The following CDH13 variants were observed in gnomAD, a reference collection of about 807,000 sequenced individuals.
The protein encoded by CDH13 is cadherin-13.
A neutral mutation model predicts 63.8 loss-of-function variants in CDH13; 24 were observed. That is an observed-to-expected ratio of 0.38 (90% confidence interval 0.27 to 0.53). The LOEUF is 0.53. CDH13 is among the 20% of genes least tolerant of loss of function. CDH13 has a pLI of 0.85. For missense variants in CDH13, 1,049 were observed against 903.1 expected (o/e 1.16, Z -2.07); for synonymous variants, 503 against 355.3 (o/e 1.42, Z -4.67).
chr16:82,953,780 C>G (rs960310855), intron 2 of CDH13: 1 of 152,126 alleles, frequency 6.6e-6, no homozygotes, highest in African/African-American at 2.4e-5. Context: ...AAAGCCAAGA[C>G]AGGCTTCCAG....
At chr16:83,493,613 A>G (rs1237711569) in intron 7 of CDH13, among the ~76,000 whole-genome samples, 1 of 152,190 alleles carries the variant, frequency 6.6e-6, no homozygotes, top group Non-Finnish European at 1.5e-5. Flanking sequence ...TTCACATGCT[A>G]CTTAAAGACT....
chr16:82,836,169 C>A (rs1348001125), intron 1 of CDH13, among the ~76,000 whole-genome samples: 1 of 152,060 alleles, frequency 6.6e-6, no homozygotes, highest in African/African-American at 2.4e-5. Flanking sequence ...TCTTGTTGCC[C>A]AGACTGGAGT....
intron 1 of CDH13, among the ~76,000 whole-genome samples, chr16:82,781,113 GTTCACTTGAGGTA>G (rs2035733025): frequency 6.6e-6 from 1 of 152,150 alleles, no homozygotes; most frequent in Non-Finnish European, 1.5e-5. Flanking sequence ...TTGCCTCTAG[GTTCACTTGAGGTA>G]TCATTTCTGA....
chr16:83,713,673 C>T (rs1908432106), intron 10 of CDH13, among the ~76,000 whole-genome samples: 1 of 152,126 alleles, frequency 6.6e-6, no homozygotes, highest in Admixed American at 6.5e-5. Flanking sequence ...ATTGATGTAT[C>T]TCACATAACT....
intron 11 of CDH13, among the ~76,000 whole-genome samples, chr16:83,765,526 A>G (rs764143959): frequency 6.9e-6 from 1 of 145,266 alleles, no homozygotes; most frequent in Non-Finnish European, 1.5e-5. Context: ...TTGGCTTACT[A>G]TTAACATTTT....
At chr16:82,642,927 A>G (rs936263814) in intron 1 of CDH13, among the ~76,000 whole-genome samples, 4 of 152,212 alleles carry the variant, frequency 2.6e-5, no homozygotes, top group Non-Finnish European at 5.9e-5. Context: ...GCTGAGATTC[A>G]AACTCAAGAC....
At chr16:83,502,241 G>T (rs376138625) in intron 7 of CDH13, among the ~76,000 whole-genome samples, 7 of 152,160 alleles carry the variant, frequency 4.6e-5, no homozygotes, top group Admixed American at 4.6e-4. Flanking sequence ...TTATCCAGAT[G>T]GGCCTGATAT....
intron 7 of CDH13, among the ~76,000 whole-genome samples, chr16:83,557,780 C>A (rs1267283536): frequency 6.6e-6 from 1 of 152,110 alleles, no homozygotes; most frequent in Non-Finnish European, 1.5e-5. Flanking sequence ...ACCAGTTTGA[C>A]CCCAGTAGCA....
At chr16:82,939,815 C>G (rs1356967792) in intron 2 of CDH13, among the ~76,000 whole-genome samples, 2 of 152,112 alleles carry the variant, frequency 1.3e-5, no homozygotes, top group Non-Finnish European at 2.9e-5. Context: ...ATTTGTCACC[C>G]CTTGGCTTGT....
At chr16:83,273,887 C>T (rs965510172) in intron 5 of CDH13, among the ~76,000 whole-genome samples, 1 of 152,154 alleles carries the variant, frequency 6.6e-6, no homozygotes, top group Non-Finnish European at 1.5e-5. Context: ...ACAGTTGGTA[C>T]TGAACCTGGT....
chr16:83,224,131 T>C (rs2039777956), intron 5 of CDH13, among the ~76,000 whole-genome samples: 2 of 152,218 alleles, frequency 1.3e-5, no homozygotes, highest in Non-Finnish European at 2.9e-5. Flanking sequence ...AGAATAATAG[T>C]CTTCAATCCC....
At chr16:83,658,203 T>C (rs1373033669) in intron 8 of CDH13, among the ~76,000 whole-genome samples, 381 of 64,746 alleles carry the variant, frequency 5.9e-3, no homozygotes, top group Middle Eastern at 0.027. Context: ...CAGCAAGGTC[T>C]CATGTCCTCA....
chr16:82,779,283 A>G (rs796296421), intron 1 of CDH13, among the ~76,000 whole-genome samples: 3 of 152,132 alleles, frequency 2.0e-5, no homozygotes, highest in Admixed American at 6.5e-5. Flanking sequence ...GATCACACAG[A>G]TAGTAGGCAG....
intron 1 of CDH13, among the ~76,000 whole-genome samples, chr16:82,718,685 C>T (rs563033521): frequency 9.2e-5 from 14 of 152,198 alleles, no homozygotes; most frequent in Middle Eastern, 3.4e-3. Context: ...CACATGGCAG[C>T]AGACAAGAGA....
chr16:83,316,942 TC>T (rs1423053049), intron 5 of CDH13, among the ~76,000 whole-genome samples: 1 of 152,212 alleles, frequency 6.6e-6, no homozygotes, highest in African/African-American at 2.4e-5. Flanking sequence ...GCTTCGCCTT[TC>T]TTCTTGAACA....
At chr16:83,713,499 T>G (rs1032874238) in intron 10 of CDH13, among the ~76,000 whole-genome samples, 1 of 149,970 alleles carries the variant, frequency 6.7e-6, no homozygotes, top group Non-Finnish European at 1.5e-5. Context: ...CTCTCAACTT[T>G]TCTCGTCACC....
intron 1 of CDH13, among the ~76,000 whole-genome samples, chr16:82,821,454 G>A (rs899780840): frequency 5.3e-5 from 8 of 152,162 alleles, no homozygotes; most frequent in Admixed American, 1.3e-4. Flanking sequence ...GCTCTGTGGG[G>A]CCTTGCAAGT....
At chr16:83,666,515 C>G (rs1318937180) in intron 8 of CDH13, among the ~76,000 whole-genome samples, 1 of 152,176 alleles carries the variant, frequency 6.6e-6, no homozygotes, top group African/African-American at 2.4e-5. Context: ...ACTTTGCTTT[C>G]ATAGTAAATC....
chr16:83,651,592 T>A (rs1403085372), intron 8 of CDH13, among the ~76,000 whole-genome samples: 1 of 136,118 alleles, frequency 7.3e-6, no homozygotes, highest in Non-Finnish European at 1.6e-5. Context: ...TTTCCTCTTT[T>A]TTTTTTTTTT....
Sources: allele counts gnomAD v4.1 joint callset (sites outside exome capture counted in the v4.1 genomes callset), GRCh38; gene constraint gnomAD v4.1.1; transcripts MANE v1.5; gene names NCBI Gene and HGNC (gene_info 2026-07-23, HGNC 2026-07-21).